RAD51B: variants seen among roughly 807,000 people sequenced by gnomAD.
RAD51B encodes the protein DNA repair protein RAD51 homolog 2.
A neutral mutation model predicts 42.2 loss-of-function variants in RAD51B; 38 were observed. That is an observed-to-expected ratio of 0.90 (90% CI 0.70 to 1.18). The LOEUF (loss-of-function observed/expected upper bound fraction) is 1.18. RAD51B is among the 50% of genes most tolerant of loss of function. The pLI is 0.00. For missense variants in RAD51B, 373 were observed against 400.7 expected (o/e 0.93, Z 0.59); for synonymous variants, 154 against 145.2 (o/e 1.06, Z -0.43).
intron 10 of RAD51B, among the ~76,000 whole-genome samples, chr14:68,498,225 G>A (rs778724952): frequency 6.6e-6 from 1 of 152,182 alleles, no homozygotes. Context: ...AAAACTCATA[G>A]TCTCCACGTG....
rs575074278 is a variant in RAD51B at position 68,269,650 on chromosome 14, G to A, written c.757-22234G>A. ...TCATTTCCTGGTTTTCTTGTTTACT[G>A]TTGGACCCTGACTAGGGGGTCTCAC... is the stretch of plus-strand genomic sequence containing the variant. On this transcript the variant is annotated intron_variant, in intron 7 of 10. Coordinates refer to ENST00000471583, the MANE Select transcript of RAD51B (RefSeq NM_133510.4). 2.0e-5 allele frequency among the ~76,000 whole-genome samples: 3 copies of A among 152,246 alleles called. No homozygotes were observed. In the East Asian group the frequency reaches 5.8e-4, roughly 29 times the overall value.
At chr14:68,663,584 C>G (rs1892977619) in intron 11 of RAD51B, among the ~76,000 whole-genome samples, 1 of 152,186 alleles carries the variant, frequency 6.6e-6, no homozygotes, top group Admixed American at 6.5e-5. Context: ...TAAGTAGTGA[C>G]ATTTCTAAAT....
chr14:67,846,249 T>C (rs931236775), intron 4 of RAD51B, among the ~76,000 whole-genome samples: 2 of 152,208 alleles, frequency 1.3e-5, no homozygotes, highest in Non-Finnish European at 2.9e-5. Flanking sequence ...AGTGCGGTGC[T>C]GGCAGGTACA....
At chr14:68,149,001 CTG>C (rs1224763881) in intron 7 of RAD51B, among the ~76,000 whole-genome samples, 3 of 152,198 alleles carry the variant, frequency 2.0e-5, no homozygotes, top group Non-Finnish European at 4.4e-5. Flanking sequence ...GTAGTGGTAT[CTG>C]TGTTACTTCT....
At chr14:68,580,247 G>A (rs1464105262) in intron 10 of RAD51B, among the ~76,000 whole-genome samples, 1 of 152,162 alleles carries the variant, frequency 6.6e-6, no homozygotes, top group Non-Finnish European at 1.5e-5. Flanking sequence ...TGTCAGGGAG[G>A]CCTGCCACTC....
chr14:68,224,596 A>G (rs2079998228), intron 7 of RAD51B, among the ~76,000 whole-genome samples: 2 of 152,312 alleles, frequency 1.3e-5, no homozygotes, highest in South Asian at 4.1e-4. Flanking sequence ...TCTGATAAAT[A>G]TTTATTAAGT....
intron 11 of RAD51B, among the ~76,000 whole-genome samples, chr14:68,679,988 G>A (rs1258375345): frequency 2.6e-5 from 4 of 152,154 alleles, no homozygotes; most frequent in African/African-American, 7.2e-5. Flanking sequence ...AGATAAAAGT[G>A]AAACAACAAA....
chr14:68,480,662 G>GAA (rs111748995), downstream of RAD51B, among the ~76,000 whole-genome samples: 6 of 146,112 alleles, frequency 4.1e-5, no homozygotes, highest in East Asian at 2.0e-4. Context: ...AGATTATCAG[G>GAA]AAAAAAAAAA....
At chr14:68,559,013 A>G (rs1414361696) in intron 10 of RAD51B, among the ~76,000 whole-genome samples, 3 of 151,862 alleles carry the variant, frequency 2.0e-5, no homozygotes, top group African/African-American at 7.3e-5. Flanking sequence ...ATGTATATAT[A>G]TATAAATATG....
intron 10 of RAD51B, among the ~76,000 whole-genome samples, chr14:68,619,682 C>A (rs1891904256): frequency 6.6e-6 from 1 of 152,102 alleles, no homozygotes. Flanking sequence ...ACAGTCTACT[C>A]TGAAAGACAT....
At chr14:67,890,770 C>T (rs2043195731) in intron 7 of RAD51B, among the ~76,000 whole-genome samples, 1 of 151,820 alleles carries the variant, frequency 6.6e-6, no homozygotes, top group Admixed American at 6.6e-5. Context: ...ATAGTCTTAC[C>T]ATATGTATGT....
At chr14:68,310,433 C>T (rs2081947302) in intron 8 of RAD51B, among the ~76,000 whole-genome samples, 1 of 152,124 alleles carries the variant, frequency 6.6e-6, no homozygotes, top group African/African-American at 2.4e-5. Context: ...GCCTGTAAAC[C>T]ACACGGTAGA....
chr14:68,339,487 C>CCAAGGAAG, intron 8 of RAD51B: 2 of 451,422 alleles, frequency 4.4e-6, no homozygotes, highest in Non-Finnish European at 3.9e-6. Flanking sequence ...ACAGCAGGAG[C>CCAAGGAAG]TGGAGCCATT....
chr14:68,682,910 C>CTCTT, intron 11 of RAD51B: 1 of 698,234 alleles, frequency 1.4e-6, no homozygotes. Context: ...TAGCTTATGG[C>CTCTT]TTTTTTTTTT....
At chr14:68,486,177 A>G (rs1325969712) in intron 10 of RAD51B, among the ~76,000 whole-genome samples, 1 of 152,198 alleles carries the variant, frequency 6.6e-6, no homozygotes, top group South Asian at 2.1e-4. Flanking sequence ...CGGGTATGTC[A>G]AAGGTGATTA....
chr14:68,549,709 C>T (rs1427738906), intron 10 of RAD51B, among the ~76,000 whole-genome samples: 2 of 150,362 alleles, frequency 1.3e-5, no homozygotes, highest in Non-Finnish European at 3.0e-5. Flanking sequence ...CCACCGCGCC[C>T]GGCCGCCCTG....
At chr14:68,337,029 TA>T (rs1226479677) in intron 8 of RAD51B, among the ~76,000 whole-genome samples, 2 of 152,240 alleles carry the variant, frequency 1.3e-5, no homozygotes, top group African/African-American at 4.8e-5. Flanking sequence ...TTTGTCAAAC[TA>T]GTAAGAGGGT....
Position 68,393,507 on chromosome 14 carries a change from A to G in RAD51B, c.854-17917A>G, listed in dbSNP as rs577307984. On this transcript the variant is annotated intron_variant, in intron 8 of 10. Coordinates refer to ENST00000471583, the MANE Select transcript of RAD51B (RefSeq NM_133510.4). ...TTAGGAGCTATACAAAGTAATTTCT[A>G]TGCAGTGGCTGGGCTGCTGTTTATA... 3.3e-5 allele frequency among the ~76,000 whole-genome samples: 5 copies of G among 152,338 alleles called. No individual in the cohort carries two copies. In the East Asian group the frequency reaches 7.7e-4, roughly 23 times the overall value.
At chr14:68,579,737 C>A (rs1436524835) in intron 10 of RAD51B, among the ~76,000 whole-genome samples, 1 of 152,238 alleles carries the variant, frequency 6.6e-6, no homozygotes, top group Non-Finnish European at 1.5e-5. Context: ...GCATACCTTA[C>A]AACCCCAGTT....
Sources: allele counts gnomAD v4.1 joint callset (sites outside exome capture counted in the v4.1 genomes callset), GRCh38; gene constraint gnomAD v4.1.1; transcripts MANE v1.5; gene names NCBI Gene and HGNC (gene_info 2026-07-23, HGNC 2026-07-21).